The following FKBP15 variants were observed in gnomAD, a reference collection of about 807,000 sequenced individuals.
The protein encoded by FKBP15 is FK506-binding protein 15.
A neutral mutation model predicts 158.1 loss-of-function variants in FKBP15; 106 were observed. That is an observed-to-expected ratio of 0.67 (90% CI 0.57 to 0.79). FKBP15 has a LOEUF of 0.79. FKBP15 is among the 30% of genes least tolerant of loss of function. The pLI is 0.00. For synonymous variants in FKBP15, 547 were observed against 548.6 expected, an observed-to-expected ratio of 1.00 and a Z score of 0.04; for missense variants, 1,287 against 1,479.1, an observed-to-expected ratio of 0.87 and a Z score of 2.13.
At chr9:113,200,490 C>A (rs528748364) in intron 6 of FKBP15, among the ~76,000 whole-genome samples, 2 of 152,288 alleles carry the variant, frequency 1.3e-5, no homozygotes, top group South Asian at 4.1e-4. Context: ...TTCCCAGAAT[C>A]CACATCAATA....
At position 113,196,934 on chromosome 9, in the gene FKBP15, G is replaced by A. The variant is rs752757761; in HGVS notation, c.862C>T (p.Arg288Trp). The change falls in exon 9 of 28, where the codon CGG becomes TGG. Residue 288 changes from arginine to tryptophan, a missense_variant and splice_region_variant. By Grantham distance (101) the Arg-to-Trp change is moderately radical. Coordinates refer to ENST00000238256, the MANE Select transcript of FKBP15 (RefSeq NM_015258.2). ...AAAACACAGAGAGTTTCACTCACCCGCCTAACCTCCACCTCGAACACCAGG... is the reference window on the plus strand; with the variant it reads ...AAAACACAGAGAGTTTCACTCACCCACCTAACCTCCACCTCGAACACCAGG... ...SILVFEVEVR[R>W]VKFARDSGSD... 8 of 1,613,714 alleles carry A rather than the reference G, an allele frequency of 5.0e-6. No individual in the cohort carries two copies. The highest frequency in any genetic ancestry group is 6.8e-6 in the Non-Finnish European group (8 of 1,179,722).
At chr9:113,171,758 G>A in intron 23 of FKBP15, 52 bp from the exon 24 acceptor site, 4 of 1,181,032 alleles carry the variant, frequency 3.4e-6, no homozygotes, top group East Asian at 2.8e-5. Flanking sequence ...GTGAAGGTCA[G>A]AAAACCCAAG....
rs1830614518 is a variant in FKBP15, at chr9:113,193,558, A to G, written c.1008-9T>C. 1 of 1,593,446 alleles carries G rather than the reference A, an allele frequency of 6.3e-7. No individual in the cohort carries two copies. The highest frequency in any genetic ancestry group is 8.6e-7 in the Non-Finnish European group (1 of 1,168,700). ...TACGAAGAGCTGGCTCCCTGAAAGC[A>G]AATAGACCATATTCCAAGATTGAAA... is the stretch of plus-strand genomic sequence containing the variant. On this transcript the variant is annotated splice_polypyrimidine_tract_variant and intron_variant, in intron 10 of 27. Coordinates refer to ENST00000238256, the MANE Select transcript of FKBP15 (RefSeq NM_015258.2).
chr9:113,220,043 T>C (rs911834780), intron 1 of FKBP15, among the ~76,000 whole-genome samples: 4 of 152,180 alleles, frequency 2.6e-5, no homozygotes, highest in Non-Finnish European at 5.9e-5. Context: ...TTTATGGTCA[T>C]TCATCTATTA....
intron 4 of FKBP15, among the ~76,000 whole-genome samples, chr9:113,203,529 T>C (rs1342403546): frequency 1.1e-5 from 1 of 89,198 alleles, no homozygotes; most frequent in Non-Finnish European, 2.3e-5. Context: ...TTAATTTTGC[T>C]TTTTTTTTTT....
chr9:113,208,997 A>C (rs1482760321), intron 2 of FKBP15, among the ~76,000 whole-genome samples: 4 of 126,240 alleles, frequency 3.2e-5, no homozygotes, highest in African/African-American at 1.2e-4. Flanking sequence ...ACAGAGCGAG[A>C]CTCCATCTCA....
intron 3 of FKBP15, chr9:113,207,006 A>G (rs73655848): frequency 9.5e-6 from 5 of 527,418 alleles, no homozygotes; most frequent in Non-Finnish European, 1.4e-5. Context: ...GGGTACAAGC[A>G]CTCCCTAAAG....
intron 24 of FKBP15, 141 bp from the exon 25 acceptor site, chr9:113,170,770 G>A (rs1030996833): frequency 1.4e-6 from 1 of 691,630 alleles, no homozygotes; most frequent in African/African-American, 1.8e-5. Context: ...CAGAGACACT[G>A]AAGGCTGTCA....
chr9:113,170,018 G>A, intron 25 of FKBP15, 76 bp from the exon 26 acceptor site: 2 of 1,445,646 alleles, frequency 1.4e-6, no homozygotes, highest in Non-Finnish European at 1.8e-6. Context: ...AACACTACTG[G>A]TCATGTAGTT....
chr9:113,210,360 G>T (rs1830976847), intron 2 of FKBP15, among the ~76,000 whole-genome samples: 2 of 128,546 alleles, frequency 1.6e-5, no homozygotes, highest in African/African-American at 3.0e-5. Flanking sequence ...TTGAGACGGA[G>T]TCTTGCTCTG....
At chr9:113,218,879 C>A (rs947349413) in intron 1 of FKBP15, among the ~76,000 whole-genome samples, 3 of 152,168 alleles carry the variant, frequency 2.0e-5, no homozygotes, top group Admixed American at 1.3e-4. Context: ...ATTTATCTTT[C>A]TACCATCTTT....
At chr9:113,218,927 G>A (rs896261081) in intron 1 of FKBP15, among the ~76,000 whole-genome samples, 3 of 152,148 alleles carry the variant, frequency 2.0e-5, no homozygotes, top group Admixed American at 1.3e-4. Flanking sequence ...AATCGGATCT[G>A]CCTACACATA....
chr9:113,216,904 CTTTT>C (rs71491083), intron 1 of FKBP15, among the ~76,000 whole-genome samples: 2 of 131,758 alleles, frequency 1.5e-5, no homozygotes, highest in Non-Finnish European at 1.6e-5. Context: ...ATTCCATTTT[CTTTT>C]TTTTTTTTTT....
chr9:113,219,400 C>T (rs1831205150), intron 1 of FKBP15, among the ~76,000 whole-genome samples: 1 of 152,176 alleles, frequency 6.6e-6, no homozygotes, highest in African/African-American at 2.4e-5. Context: ...GTTCTACTTC[C>T]TTAGAGAAAA....
At chr9:113,221,082 G>A in intron 1 of FKBP15, 109 bp downstream of exon 1, 4 of 1,209,412 alleles carry the variant, frequency 3.3e-6, no homozygotes, top group African/African-American at 1.5e-5. Context: ...TGTGGCAAGG[G>A]TCTCCCCCCG....
intron 18 of FKBP15, 21 bp from the exon 19 acceptor site, chr9:113,182,889 A>G: frequency 6.3e-7 from 1 of 1,598,688 alleles, no homozygotes; most frequent in South Asian, 1.1e-5. Flanking sequence ...AATAGAGAAA[A>G]AGAAAACATT....
rs377588392 is a variant in FKBP15, at chr9:113,198,903, G to T, written c.669C>A (p.Asn223Lys). Reference protein sequence around the residue: ...VLGQVFDSTANKDKLLRLKLG... With the variant: ...VLGQVFDSTAKKDKLLRLKLG... ...ACTTCAAGCGAAGCAACTTATCTTT[G>T]TTAGCAGTGGAGTCGAAAACCTGCA... is the stretch of plus-strand genomic sequence containing the variant. Residue 223 changes from asparagine to lysine, a missense_variant, in exon 8 of 28, where the codon AAC (asparagine) becomes AAA (lysine). Asn to Lys is a moderately conservative substitution (Grantham distance 94). Transcript: ENST00000238256. This position sits in a 1 kb window ranked among gnomAD's most constrained non-coding sequence, Gnocchi z 5.2. 1.1e-5 allele frequency: 18 copies of T among 1,604,522 alleles called. No homozygotes were observed. The highest frequency in any genetic ancestry group is 1.4e-5 in the Non-Finnish European group (17 of 1,175,198).
At chr9:113,202,020 CTT>C (rs1830801025) in intron 6 of FKBP15, among the ~76,000 whole-genome samples, 1 of 151,820 alleles carries the variant, frequency 6.6e-6, no homozygotes, top group African/African-American at 2.4e-5. Context: ...TATGTAGTAA[CTT>C]AACTCTCTTT....
intron 6 of FKBP15, 119 bp from the exon 7 acceptor site, chr9:113,200,082 A>T: frequency 8.4e-7 from 1 of 1,195,314 alleles, no homozygotes; most frequent in Non-Finnish European, 1.1e-6. Flanking sequence ...TTACATGTTT[A>T]GAAGTAAACC....
Sources: gnomAD v4.1 joint callset for allele counts (sites outside exome capture counted in the v4.1 genomes callset) on GRCh38, gnomAD v4.1.1 for gene constraint, Gnocchi (gnomAD v3.1) non-coding constraint, MANE v1.5 for transcripts, NCBI Gene and HGNC (gene_info 2026-07-23, HGNC 2026-07-21) for gene names.